Variants in DYM observed in about 807,000 individuals in gnomAD.
The protein encoded by DYM is dyggve-Melchior-Clausen syndrome protein.
DYM carries 78 observed loss-of-function variants against 93.1 expected under a neutral mutation model. That is an observed-to-expected ratio of 0.84 (90% confidence interval 0.70 to 1.01). The LOEUF is 1.01. DYM is among the 50% of genes least tolerant of loss of function. DYM has a pLI of 0.00. For missense variants in DYM, 789 were observed against 845.0 expected (o/e 0.93, Z 0.82); for synonymous variants, 321 against 319.7 (o/e 1.00, Z -0.04).
At chr18:49,225,354 A>C (rs2093492946) in intron 13 of DYM, among the ~76,000 whole-genome samples, 2 of 152,268 alleles carry the variant, frequency 1.3e-5, no homozygotes, top group Middle Eastern at 3.4e-3. Context: ...ATTCCTTGGC[A>C]GCAGAAGCCA....
intron 13 of DYM, among the ~76,000 whole-genome samples, chr18:49,244,939 G>A (rs2094128819): frequency 6.6e-6 from 1 of 152,178 alleles, no homozygotes; most frequent in East Asian, 1.9e-4. Context: ...GGAAATCAGG[G>A]ACCCGGAACA....
At chr18:49,311,926 A>G in intron 8 of DYM, among the ~76,000 whole-genome samples, 1 of 152,048 alleles carries the variant, frequency 6.6e-6, no homozygotes, top group Non-Finnish European at 1.5e-5. Context: ...GTTTAAGGTT[A>G]TGAGAGGAAG....
intron 8 of DYM, among the ~76,000 whole-genome samples, chr18:49,298,758 T>C (rs555518678): frequency 1.3e-5 from 2 of 152,298 alleles, no homozygotes; most frequent in South Asian, 4.1e-4. Flanking sequence ...GATTCCTGTT[T>C]ACTTGTTTTC....
intron 2 of DYM, among the ~76,000 whole-genome samples, chr18:49,418,652 A>G (rs576786505): frequency 2.0e-5 from 3 of 152,336 alleles, no homozygotes; most frequent in South Asian, 4.1e-4. Flanking sequence ...TGAAGACGGC[A>G]CATATGTATC....
At chr18:49,383,517 T>C (rs1188472058) in intron 3 of DYM, among the ~76,000 whole-genome samples, 1 of 152,180 alleles carries the variant, frequency 6.6e-6, no homozygotes, top group African/African-American at 2.4e-5. Flanking sequence ...GGAAACTATA[T>C]CAACTTGCTC....
At chr18:49,156,027 T>C (rs1367349530) in intron 15 of DYM, among the ~76,000 whole-genome samples, 1 of 152,236 alleles carries the variant, frequency 6.6e-6, no homozygotes, top group East Asian at 1.9e-4. Flanking sequence ...ATGAGGATTC[T>C]AATTTCTCCA....
intron 15 of DYM, among the ~76,000 whole-genome samples, chr18:49,156,164 G>A (rs940302132): frequency 1.3e-5 from 2 of 152,200 alleles, no homozygotes; most frequent in African/African-American, 2.4e-5. Context: ...ATATTTTGAT[G>A]TGCTAATTGG....
At chr18:49,168,637 T>C (rs2088226283) in intron 14 of DYM, among the ~76,000 whole-genome samples, 5 of 152,274 alleles carry the variant, frequency 3.3e-5, no homozygotes. Context: ...GAGAAGCTAA[T>C]TCTTACAAAA....
chr18:49,439,579 T>C (rs920979656), intron 1 of DYM, among the ~76,000 whole-genome samples: 1 of 152,216 alleles, frequency 6.6e-6, no homozygotes, highest in Non-Finnish European at 1.5e-5. Flanking sequence ...CAAAAAATAC[T>C]TGCTGAAATA....
intron 2 of DYM, among the ~76,000 whole-genome samples, chr18:49,428,644 C>A (rs1316149936): frequency 1.3e-5 from 2 of 152,128 alleles, no homozygotes; most frequent in Non-Finnish European, 2.9e-5. Flanking sequence ...AGAGATCGCG[C>A]CACTGAACTC....
intron 10 of DYM, among the ~76,000 whole-genome samples, chr18:49,272,544 T>C (rs1368090602): frequency 6.6e-6 from 1 of 152,140 alleles, no homozygotes; most frequent in Non-Finnish European, 1.5e-5. Context: ...AACATAAAGG[T>C]TGGATCTGCA....
intron 13 of DYM, among the ~76,000 whole-genome samples, chr18:49,245,525 G>A (rs912095424): frequency 6.6e-5 from 10 of 152,030 alleles, no homozygotes; most frequent in African/African-American, 2.2e-4. Context: ...ACTGAAATAC[G>A]CCCTGGTTTC....
intron 15 of DYM, among the ~76,000 whole-genome samples, chr18:49,122,591 T>C (rs2082475665): frequency 2.0e-5 from 3 of 152,330 alleles, no homozygotes; most frequent in South Asian, 2.1e-4. Context: ...TTCTACATTA[T>C]AGTGAGTTGT....
intron 8 of DYM, among the ~76,000 whole-genome samples, chr18:49,292,097 A>C (rs1367753478): frequency 6.6e-6 from 1 of 152,116 alleles, no homozygotes; most frequent in Non-Finnish European, 1.5e-5. Flanking sequence ...TCCTCTTCAC[A>C]GTTGCTCATC....
intron 2 of DYM, among the ~76,000 whole-genome samples, chr18:49,407,249 C>G (rs1472933426): frequency 6.6e-6 from 1 of 152,094 alleles, no homozygotes; most frequent in Non-Finnish European, 1.5e-5. Context: ...GTATCTTGAT[C>G]ATGGTTGGTT....
At chr18:49,226,600 C>G (rs2093541965) in intron 13 of DYM, among the ~76,000 whole-genome samples, 1 of 152,138 alleles carries the variant, frequency 6.6e-6, no homozygotes, top group South Asian at 2.1e-4. Flanking sequence ...CCTTCTGGCA[C>G]TTTCTTGTGA....
chr18:49,096,468 G>A (rs988601401), intron 17 of DYM, among the ~76,000 whole-genome samples: 3 of 152,190 alleles, frequency 2.0e-5, no homozygotes, highest in South Asian at 4.1e-4. Flanking sequence ...CACTGGAACA[G>A]ACGTGAACTG....
intron 17 of DYM, among the ~76,000 whole-genome samples, chr18:49,060,211 C>T (rs891564129): frequency 6.6e-6 from 1 of 152,186 alleles, no homozygotes; most frequent in Admixed American, 6.5e-5. Flanking sequence ...TGCCCAGGAC[C>T]TCTGAGCTTC....
intron 2 of DYM, among the ~76,000 whole-genome samples, chr18:49,409,068 T>C (rs1454279316): frequency 6.6e-6 from 1 of 152,118 alleles, no homozygotes; most frequent in Non-Finnish European, 1.5e-5. Flanking sequence ...GTGGATCACC[T>C]GAGGTCAGGA....
Sources: allele counts gnomAD v4.1 joint callset (sites outside exome capture counted in the v4.1 genomes callset), GRCh38; gene constraint gnomAD v4.1.1; transcripts MANE v1.5; gene names NCBI Gene and HGNC (gene_info 2026-07-23, HGNC 2026-07-21).